Variants in HMGXB3 observed in about 807,000 individuals in gnomAD.
HMGXB3 encodes HMG-box containing 3, also known as HMG domain-containing protein 3.
A neutral mutation model predicts 121.5 loss-of-function variants in HMGXB3; 45 were observed. The ratio of observed to expected loss-of-function variants is 0.37; its 90% CI spans 0.29 to 0.47. The LOEUF (loss-of-function observed/expected upper bound fraction) is 0.47, where lower values mean the gene tolerates loss of function less well. HMGXB3 is among the 20% of genes least tolerant of loss of function. The probability of loss-of-function intolerance (pLI) is 0.99; values close to 1 mark genes in which losing one functional copy is unlikely to be tolerated. For synonymous variants in HMGXB3, 590 were observed against 624.1 expected, an observed-to-expected ratio of 0.95 and a Z score of 0.81; for missense variants, 1,376 against 1,602.2, an observed-to-expected ratio of 0.86 and a Z score of 2.41.
intron 19 of HMGXB3, among the ~76,000 whole-genome samples, chr5:150,050,906 A>G (rs929390469): frequency 5.9e-5 from 9 of 152,194 alleles, no homozygotes; most frequent in Admixed American, 5.9e-4. Context: ...GAAAGTTGCC[A>G]CCTTTGAGAG....
intron 10 of HMGXB3, 59 bp downstream of exon 10, chr5:150,030,898 G>T: frequency 2.3e-6 from 3 of 1,296,064 alleles, no homozygotes; most frequent in Non-Finnish European, 3.3e-6. Flanking sequence ...TTTTGTGGTT[G>T]AAGGTCAGTA....
At chr5:150,008,094 C>T (rs6888795) in intron 3 of HMGXB3, among the ~76,000 whole-genome samples, 10,077 of 147,640 alleles carry the variant, frequency 0.068, 1,012 homozygotes, top group African/African-American at 0.22. Flanking sequence ...CACACACACA[C>T]ACACAAATCA....
intron 11 of HMGXB3, among the ~76,000 whole-genome samples, chr5:150,035,697 A>G (rs1192041964): frequency 6.6e-6 from 1 of 152,150 alleles, no homozygotes; most frequent in Non-Finnish European, 1.5e-5. Flanking sequence ...CACTCAGAGA[A>G]CACAAAGCGG....
chr5:150,024,492 T>C lies in HMGXB3; in HGVS notation c.1272T>C (p.His424=), dbSNP rs1441043846. ...EWEEVIISDA[H]VLVKEAPGNC... is the part of the protein sequence containing the mutation. ...AGGAAGTGATCATCTCCGATGCCCA[T>C]GTTTTGGTTAAGGAAGCTCCCGGGA... The change falls in exon 7 of 20, where the codon CAT becomes CAC. Residue 424 remains histidine, a synonymous_variant. Coordinates refer to ENST00000502717, the MANE Select transcript of HMGXB3 (RefSeq NM_014983.3). 6 of 1,551,702 alleles carry C rather than the reference T, an allele frequency of 3.9e-6. No homozygotes were observed. The highest frequency in any genetic ancestry group is 4.9e-5 in the East Asian group (2 of 40,924).
At chr5:150,044,411 A>G (rs1481479143) in intron 15 of HMGXB3, among the ~76,000 whole-genome samples, 2 of 152,198 alleles carry the variant, frequency 1.3e-5, no homozygotes. Flanking sequence ...AGCATGCACT[A>G]AGCACCCCTG....
rs1374973444 is a variant in HMGXB3, at chr5:150,004,902, T to G, written c.50T>G (p.Ile17Ser). The change falls in exon 2 of 20, where the codon ATT (isoleucine) becomes AGT (serine). Residue 17 changes from isoleucine (I) to serine (S), a missense_variant. By Grantham distance (142) the Ile-to-Ser change is moderately radical. Transcript: ENST00000502717. ...GTEVTVVMEE[I>S]EEAYCYTSPG... ...GAGGTAACTGTCGTGATGGAGGAAA[T>G]TGAGGAAGCCTATTGTTACACCTCT... The G allele has an allele frequency of 6.4e-7, 1 of 1,551,716 alleles. No homozygotes were observed. Among genetic ancestry groups the G allele is most frequent in the Non-Finnish European group, 8.7e-7 (1 of 1,146,960 alleles).
At chr5:150,018,788 A>T in intron 6 of HMGXB3, 91 bp downstream of exon 6, 1 of 1,250,016 alleles carries the variant, frequency 8.0e-7, no homozygotes, top group African/African-American at 1.5e-5. Context: ...AAAAGTTAAC[A>T]TTTGTTTTTA....
chr5:150,048,749 C>A, intron 18 of HMGXB3, 64 bp downstream of exon 18: 1 of 1,185,348 alleles, frequency 8.4e-7, no homozygotes, highest in Non-Finnish European at 1.2e-6. Flanking sequence ...CATACAGGGA[C>A]TGATCCAGCT....
chr5:150,027,067 A>C lies in HMGXB3; in HGVS notation c.1684A>C (p.Lys562Gln). 1 of 1,551,744 alleles carries C rather than the reference A, an allele frequency of 6.4e-7. No homozygotes were observed. The highest frequency in any genetic ancestry group is 8.7e-7 in the Non-Finnish European group (1 of 1,147,004). ...TTGTGGTCTGAAGCCAAGCACACTG[A>C]AGCAGCTGGGCCAGCCCATTCAACA... ...RTCGLKPSTL[K>Q]QLGQPIQQPS... Residue 562 changes from lysine (K) to glutamine (Q), a missense_variant, in exon 9 of 20, where the codon AAG (lysine) becomes CAG (glutamine). Physicochemically the swap from Lys to Gln is moderately conservative, Grantham distance 53. Transcript: ENST00000502717.
chr5:150,005,102 C>A, intron 2 of HMGXB3, 113 bp downstream of exon 2: 1 of 1,367,810 alleles, frequency 7.3e-7, no homozygotes, highest in Non-Finnish European at 9.7e-7. Context: ...GATTGAAGTC[C>A]TGTGTCGAGG....
At chr5:150,021,486 A>G in intron 6 of HMGXB3, 1 of 271,042 alleles carries the variant, frequency 3.7e-6, no homozygotes, top group Non-Finnish European at 7.3e-6. Flanking sequence ...ATGAAGCCCA[A>G]CACAAATTCA....
chr5:150,016,589 A>G (rs1320194628), intron 5 of HMGXB3, among the ~76,000 whole-genome samples: 4 of 152,180 alleles, frequency 2.6e-5, no homozygotes, highest in Non-Finnish European at 5.9e-5. Flanking sequence ...TTGTTACATC[A>G]AGAAATCTAT....
Position 150,045,609 on chromosome 5 carries a change from C to T in HMGXB3, c.2874C>T (p.Phe958=), listed in dbSNP as rs1756736954. Residue 958 remains phenylalanine (F), a synonymous_variant, in exon 16 of 20, where the codon TTC becomes TTT. Transcript: ENST00000502717. ...TTGATGCGTCTGTTATTGCCCCCTT[C>T]TTCCCACCACTCATGAGAGGAGCTG... is the stretch of plus-strand genomic sequence containing the variant. ...TKFDASVIAP[F]FPPLMRGAVV... The T allele has an allele frequency of 6.4e-7, 1 of 1,551,718 alleles. No homozygotes were observed. The highest frequency in any genetic ancestry group is 1.4e-5 in the African/African-American group (1 of 73,042).
At chr5:150,015,716 A>T (rs1020965401) in intron 5 of HMGXB3, among the ~76,000 whole-genome samples, 3 of 152,154 alleles carry the variant, frequency 2.0e-5, no homozygotes, top group African/African-American at 7.2e-5. Flanking sequence ...TTTCTAATTT[A>T]CTTCTTTGAC....
At chr5:150,030,602 C>G (rs1390717184) in intron 9 of HMGXB3, 139 bp from the exon 10 acceptor site, 3 of 638,208 alleles carry the variant, frequency 4.7e-6, no homozygotes, top group African/African-American at 1.8e-5. Flanking sequence ...TGACTGCCAA[C>G]TGGCAGTCCA....
intron 5 of HMGXB3, among the ~76,000 whole-genome samples, chr5:150,015,428 G>A (rs1000146898): frequency 3.3e-5 from 5 of 152,102 alleles, no homozygotes; most frequent in Non-Finnish European, 7.4e-5. Flanking sequence ...GGGACCACAG[G>A]TGCATACCAC....
intron 1 of HMGXB3, among the ~76,000 whole-genome samples, chr5:150,001,414 C>T (rs757864838): frequency 1.5e-4 from 23 of 152,214 alleles, no homozygotes; most frequent in Non-Finnish European, 2.8e-4. Context: ...GGAGCTAGCC[C>T]AGAGTCAAAC....
Position 150,052,173 on chromosome 5 carries a change from T to C in HMGXB3, c.3860T>C (p.Val1287Ala). ...ETEEEGEEEEVAAVAE is the reference protein window; with the variant it reads ...ETEEEGEEEEAAAVAE ...GAGGAGGAGGGTGAGGAAGAGGAGG[T>C]GGCCGCAGTGGCAGAATAAGCCAGG... is the stretch of plus-strand genomic sequence containing the variant. The change falls in exon 20 of 20, where the codon GTG becomes GCG. Residue 1287 changes from valine (V) to alanine (A), a missense_variant. Transcript: ENST00000502717. 1 of 1,545,342 alleles carries C rather than the reference T, an allele frequency of 6.5e-7. No homozygotes were observed. Among genetic ancestry groups the C allele is most frequent in the Non-Finnish European group, 8.7e-7 (1 of 1,143,442 alleles).
chr5:150,051,877 C>G lies in HMGXB3; in HGVS notation c.3564C>G (p.His1188Gln), dbSNP rs1228606932. The G allele has an allele frequency of 8.4e-6, 13 of 1,551,508 alleles. No individual in the cohort carries two copies. The highest frequency in any genetic ancestry group is 1.2e-5 in the South Asian group (1 of 84,066). ...QPNPGDPSAG[H>Q]HSLALCPELA... ...ATCCTGGTGACCCCAGTGCTGGGCA[C>G]CACTCCTTGGCCCTGTGCCCTGAAT... Residue 1188 changes from histidine (H) to glutamine (Q), a missense_variant, in exon 20 of 20, where the codon CAC (histidine) becomes CAG (glutamine). Physicochemically the swap from His to Gln is conservative, Grantham distance 24 (BLOSUM62 0). This residue lies in a region of HMGXB3 where 260 missense variants were observed against 233.2 expected (regional missense o/e 1.11). Coordinates refer to ENST00000502717, the MANE Select transcript of HMGXB3 (RefSeq NM_014983.3).
Sources: gnomAD v4.1 joint callset for allele counts (sites outside exome capture counted in the v4.1 genomes callset) on GRCh38, gnomAD v4.1.1 for gene constraint, gnomAD v4.1.1 regional missense constraint, MANE v1.5 for transcripts, NCBI Gene and HGNC (gene_info 2026-07-23, HGNC 2026-07-21) for gene names.